PON1: variants seen among roughly 807,000 people sequenced by gnomAD.
The protein encoded by PON1 is serum paraoxonase/arylesterase 1.
In PON1, 37 loss-of-function variants were observed where a neutral mutation model predicts 39.2. The observed-to-expected ratio is 0.94, with a 90% CI of 0.73 to 1.24. The LOEUF is 1.24. Ranked by LOEUF, PON1 falls within the 50% of genes most tolerant of loss-of-function variation. The pLI is 0.00. For missense variants in PON1, 397 were observed against 413.5 expected (o/e 0.96, Z 0.35); for synonymous variants, 148 against 152.2 (o/e 0.97, Z 0.21).
rs1807349624 is a variant in PON1 at position 95,298,840 on chromosome 7, A to G, written c.*104T>C. 2.9e-6 allele frequency: 4 copies of G among 1,372,082 alleles called. No homozygotes were observed. The East Asian group carries it at 9.2e-5, about 31-fold the overall frequency. The allele number at this position is 1,372,082 out of a possible 1,614,324, so 85.0% of individuals were successfully genotyped here. On this transcript the variant is annotated 3_prime_UTR_variant, in exon 9 of 9. Coordinates refer to ENST00000222381, the MANE Select transcript of PON1 (RefSeq NM_000446.7). ...TTGATGCTTCATGATGTCCACATTT[A>G]GGGTCAGCATTCATTGTTCAGCTAA... is the stretch of plus-strand genomic sequence containing the variant.
At chr7:95,323,028 C>T (rs1807933774) in intron 1 of PON1, among the ~76,000 whole-genome samples, 1 of 152,174 alleles carries the variant, frequency 6.6e-6, no homozygotes, top group Non-Finnish European at 1.5e-5. Context: ...CTTGCCTTCT[C>T]TCCCTGGGGC....
At position 95,318,324 on chromosome 7, in the gene PON1, G is replaced by C. The variant is rs373190914; in HGVS notation, c.144C>G (p.Ile48Met). The change falls in exon 2 of 9, where the codon ATC becomes ATG. Residue 48 changes from isoleucine (I) to methionine (M), a missense_variant and splice_region_variant. Physicochemically the swap from Ile to Met is conservative, Grantham distance 10 (BLOSUM62 1). Transcript: ENST00000222381. ...ELPNCNLVKG[I>M]ETGSEDLEIL... ...CCCTTCTTCCTCTCACATACATACCGATTCCTTTAACTAAATTACAGTTAG... is the reference window on the plus strand; with the variant it reads ...CCCTTCTTCCTCTCACATACATACCCATTCCTTTAACTAAATTACAGTTAG... 5 of 1,602,086 alleles carry C rather than the reference G, an allele frequency of 3.1e-6. No homozygotes were observed. In the African/African-American group the frequency reaches 6.7e-5, roughly 21 times the overall value.
At chr7:95,307,862 T>C in intron 6 of PON1, 149 bp downstream of exon 6, 1 of 847,880 alleles carries the variant, frequency 1.2e-6, no homozygotes, top group South Asian at 1.6e-5. Context: ...TTTCACCCCC[T>C]GAAAAATTAA....
chr7:95,323,081 G>T (rs1807935130), intron 1 of PON1, among the ~76,000 whole-genome samples: 1 of 152,112 alleles, frequency 6.6e-6, no homozygotes, highest in African/African-American at 2.4e-5. Context: ...GTTCCATGAC[G>T]CTGGTTCTGA....
In PON1 at chr7:95,322,613, T is replaced by A. The variant is rs73724946; in HGVS notation, c.74+1789A>T. Among the ~76,000 whole-genome samples, 1,504 of 152,208 alleles carry A rather than the reference T, an allele frequency of 9.9e-3. 25 individuals are homozygous for A. Among genetic ancestry groups the A allele is most frequent in the African/African-American group, 0.034 (1,415 of 41,510 alleles). On this transcript the variant is annotated intron_variant, in intron 1 of 8. Transcript: ENST00000222381. ...TTCTGAGAAGGGAAACTCAGTGGAC[T>A]CACGTATTGCAATTAGCAATGTAGG...
At chr7:95,322,405 G>A (rs1301648010) in intron 1 of PON1, among the ~76,000 whole-genome samples, 1 of 151,252 alleles carries the variant, frequency 6.6e-6, no homozygotes, top group Non-Finnish European at 1.5e-5. Flanking sequence ...TTTTCGGGTG[G>A]AGAAACTGGC....
chr7:95,308,025 A>C lies in PON1; in HGVS notation c.684T>G (p.Ile228Met). 6.2e-7 allele frequency: 1 copy of C among 1,613,980 alleles called. No individual in the cohort carries two copies. The highest frequency in any genetic ancestry group is 1.1e-5 in the South Asian group (1 of 91,078). The change falls in exon 6 of 9, where the codon ATT becomes ATG. Residue 228 changes from isoleucine to methionine, a missense_variant. Coordinates refer to ENST00000222381, the MANE Select transcript of PON1 (RefSeq NM_000446.7). ...AGTTCACATACTTGCCATCGGGTGAAATGTTGATTCCATTAGCAAAATCAA... is the reference window on the plus strand; with the variant it reads ...AGTTCACATACTTGCCATCGGGTGACATGTTGATTCCATTAGCAAAATCAA... ...EGFDFANGIN[I>M]SPDGKYVYIA...
chr7:95,319,037 G>A (rs1807838494), intron 1 of PON1, among the ~76,000 whole-genome samples: 1 of 151,952 alleles, frequency 6.6e-6, no homozygotes, highest in Non-Finnish European at 1.5e-5. Context: ...TGAGAAGGAA[G>A]TGCCAGCCGG....
Position 95,318,192 on chromosome 7 carries a change from C to T in PON1, c.145+131G>A, listed in dbSNP as rs984855033. 3 of 722,032 alleles carry T rather than the reference C, an allele frequency of 4.2e-6. No homozygotes were observed. The African/African-American group carries it at 5.3e-5, about 13-fold the overall frequency. 44.7% of individuals were successfully genotyped at this position (722,032 alleles called of 1,614,324 possible). A position where few individuals can be genotyped will look rare whatever the true frequency, so the allele number is the denominator to read the frequency against. ...AAAAGTCAAACAACATGGTATTTAT[C>T]ATTAACTACCACTGACTCTCCTGAT... On this transcript the variant is annotated intron_variant, in intron 2 of 8. Coordinates refer to ENST00000222381, the MANE Select transcript of PON1 (RefSeq NM_000446.7).
chr7:95,307,952 T>G, intron 6 of PON1, 59 bp downstream of exon 6: 2 of 1,463,228 alleles, frequency 1.4e-6, no homozygotes, highest in Non-Finnish European at 9.6e-7. Flanking sequence ...AAAGAATATA[T>G]TCCAAGATAT....
intron 8 of PON1, among the ~76,000 whole-genome samples, chr7:95,299,310 A>C (rs1341614287): frequency 6.6e-6 from 1 of 152,236 alleles, no homozygotes; most frequent in East Asian, 1.9e-4. Context: ...AGAGGTGGAG[A>C]GTATCTAGAC....
At chr7:95,304,242 T>G (rs916032411) in intron 7 of PON1, among the ~76,000 whole-genome samples, 1 of 152,120 alleles carries the variant, frequency 6.6e-6, no homozygotes, top group Admixed American at 6.5e-5. Flanking sequence ...CGTACAATAT[T>G]TATCCTTTTG....
At position 95,298,754 on chromosome 7, in the gene PON1, T is replaced by TTGA. The variant is rs1807347267; in HGVS notation, c.*187_*189dup. The TTGA allele has an allele frequency of 4.4e-6, 3 of 674,196 alleles. No individual in the cohort carries two copies. The highest frequency in any genetic ancestry group is 3.6e-5 in the African/African-American group (2 of 55,798). The allele number at this position is 674,196 out of a possible 1,614,324, so 41.8% of individuals were successfully genotyped here. A position where few individuals can be genotyped will look rare whatever the true frequency, so the allele number is the denominator to read the frequency against. On this transcript the variant is annotated 3_prime_UTR_variant, in exon 9 of 9. Transcript: ENST00000222381. ...GGTTTTCAAGTATTCCAAGACTGAT[T>TTGA]TGATAGTGTATTCTCAAAAAAAAGC...
chr7:95,308,241 T>G, intron 5 of PON1, 30 bp from the exon 6 acceptor site: 2 of 1,586,582 alleles, frequency 1.3e-6, no homozygotes, highest in Non-Finnish European at 1.7e-6. Flanking sequence ...ACATAATATA[T>G]AAGGTGAAGG....
intron 1 of PON1, among the ~76,000 whole-genome samples, chr7:95,322,499 T>C (rs894096362): frequency 6.6e-6 from 1 of 152,136 alleles, no homozygotes; most frequent in Non-Finnish European, 1.5e-5. Context: ...AATCCACAAC[T>C]ACTCTCTTCC....
At chr7:95,315,696 C>T (rs1807753113) in intron 3 of PON1, among the ~76,000 whole-genome samples, 1 of 152,170 alleles carries the variant, frequency 6.6e-6, no homozygotes, top group Admixed American at 6.5e-5. Context: ...GGCCACCCCA[C>T]ACAAACCCTT....
intron 5 of PON1, among the ~76,000 whole-genome samples, chr7:95,310,365 C>T (rs1057403286): frequency 5.3e-5 from 8 of 152,220 alleles, no homozygotes; most frequent in Non-Finnish European, 1.0e-4. Flanking sequence ...CTGTTCTCTA[C>T]TTTAAATCTT....
In PON1 at chr7:95,324,443, C is replaced by A. The variant is rs767884678; in HGVS notation, c.33G>T (p.Gly11=). The change falls in exon 1 of 9, where the codon GGG becomes GGT. Residue 11 remains glycine, a synonymous_variant. Coordinates refer to ENST00000222381, the MANE Select transcript of PON1 (RefSeq NM_000446.7). The stretch of plus-strand genomic sequence containing the variant: ...GGTTCCTGAAGAGTGCCAGTCCCAT[C>A]CCCAAGAGGGTGAGCGCAATCAGCT... MAKLIALTLL[G]MGLALFRNHQ... 45 of 1,614,062 alleles carry A rather than the reference C, an allele frequency of 2.8e-5. 2 individuals are homozygous for A. In the South Asian group the frequency reaches 4.6e-4, roughly 17 times the overall value.
intron 8 of PON1, 77 bp downstream of exon 8, chr7:95,302,128 A>AAAAAAAAAAAAAAAAAATT: frequency 9.3e-7 from 1 of 1,070,196 alleles, no homozygotes; most frequent in Non-Finnish European, 1.3e-6. Context: ...AAAACCAAGA[A>AAAAAAAAAAAAAAAAAATT]TTGAGAATTA....
Sources: gnomAD v4.1 joint callset for allele counts (sites outside exome capture counted in the v4.1 genomes callset) on GRCh38, gnomAD v4.1.1 for gene constraint, MANE v1.5 for transcripts, NCBI Gene and HGNC (gene_info 2026-07-23, HGNC 2026-07-21) for gene names.